WDR97: variants seen among roughly 807,000 people sequenced by gnomAD.
WDR97 encodes the protein WD repeat-containing protein 97.
WDR97 carries 111 observed loss-of-function variants against 65.4 expected under a neutral mutation model. The ratio of observed to expected loss-of-function variants is 1.70; its 90% confidence interval spans 1.45 to 1.99. The LOEUF is 1.99. WDR97 is among the 30% of genes most tolerant of loss of function. The probability of loss-of-function intolerance (pLI) is 0.00; values close to 1 mark genes in which losing one functional copy is unlikely to be tolerated. For synonymous variants in WDR97, 802 were observed against 397.7 expected (o/e 2.02, Z -12.10); for missense variants, 1,674 against 865.0 (o/e 1.94, Z -11.73).
intron 15 of WDR97, 94 bp downstream of exon 15, chr8:144,112,624 A>C (rs1836573854): frequency 2.9e-6 from 2 of 685,704 alleles, no homozygotes; most frequent in Admixed American, 4.1e-5. Context: ...TTTGTGTCCA[A>C]ATCTGACCCA....
At position 144,114,174 on chromosome 8, in the gene WDR97, C is replaced by G. The variant is rs998345643; in HGVS notation, c.3594+12C>G. The G allele has an allele frequency of 1.4e-6, 1 of 701,542 alleles. No individual in the cohort carries two copies. The highest frequency in any genetic ancestry group is 2.6e-6 in the Non-Finnish European group (1 of 384,116). The allele number at this position is 701,542 out of a possible 1,614,324, so 43.5% of individuals were successfully genotyped here. On this transcript the variant is annotated intron_variant, in intron 18 of 23. Transcript: ENST00000323662. ...TCTTCAGCCTGCAGGTTGGAGGGAA[C>G]TGGGGATGCATGAGAAGCATGGGTT...
rs1248395144 is a variant in WDR97, at chr8:144,113,819, G to A, written c.3346G>A (p.Ala1116Thr). The A allele has an allele frequency of 7.1e-6, 5 of 702,274 alleles. No individual in the cohort carries two copies. The East Asian group carries it at 1.3e-4, about 19-fold the overall frequency. The allele number at this position is 702,274 out of a possible 1,614,324, so 43.5% of individuals were successfully genotyped here. ...GAAGGAAGACGAGGAGCTGGACTGG[G>A]CCTTGGCTTCCCTGAGCCCGCACTC... is the stretch of plus-strand genomic sequence containing the variant. ...EEKEDEELDW[A>T]LASLSPHSNQ... Residue 1116 changes from alanine (A) to threonine (T), a missense_variant, in exon 17 of 24, where the codon GCC becomes ACC. By Grantham distance (58) the Ala-to-Thr change is moderately conservative. Transcript: ENST00000323662.
rs1403653833 is a variant in WDR97 at position 144,109,832 on chromosome 8, C to T, written c.1498C>T (p.Arg500Cys). ...GCTGACCAGGGCTGGGCACCTGGTCCGCGCCAACGCGGCGCGCTGCCCCAT... is the reference window on the plus strand; with the variant it reads ...GCTGACCAGGGCTGGGCACCTGGTCTGCGCCAACGCGGCGCGCTGCCCCAT... ...WLLTRAGHLVRANAARCPMSV... is the reference protein window; with the variant it reads ...WLLTRAGHLVCANAARCPMSV... Residue 500 changes from arginine (R) to cysteine (C), a missense_variant, in exon 5 of 24, where the codon CGC (arginine) becomes TGC (cysteine). By Grantham distance (180) the Arg-to-Cys change is radical. Coordinates refer to ENST00000323662, the MANE Select transcript of WDR97 (RefSeq NM_001316309.2). 2.9e-6 allele frequency: 2 copies of T among 687,968 alleles called. No individual in the cohort carries two copies. Among genetic ancestry groups the T allele is most frequent in the Non-Finnish European group, 5.3e-6 (2 of 378,706 alleles). The allele number at this position is 687,968 out of a possible 1,614,324, so 42.6% of individuals were successfully genotyped here.
rs1355688554 is a variant in WDR97 at position 144,115,587 on chromosome 8, C to G, written c.4324C>G (p.Leu1442Val). ...QLRLRVLSETLKSFCLEPEAR... is the reference protein window; with the variant it reads ...QLRLRVLSETVKSFCLEPEAR... Reference sequence around the variant, plus strand: ...CCGTCTCAGAGTGCTCTCCGAGACGCTGAAGAGCTTCTGCCTGGAGCCCGA... The same window carrying G: ...CCGTCTCAGAGTGCTCTCCGAGACGGTGAAGAGCTTCTGCCTGGAGCCCGA... Residue 1442 changes from leucine to valine, a missense_variant, in exon 22 of 24, where the codon CTG becomes GTG. Physicochemically the swap from Leu to Val is conservative, Grantham distance 32 (BLOSUM62 1). Coordinates refer to ENST00000323662, the MANE Select transcript of WDR97 (RefSeq NM_001316309.2). 6 of 690,432 alleles carry G rather than the reference C, an allele frequency of 8.7e-6. No homozygotes were observed. The highest frequency in any genetic ancestry group is 1.8e-5 in the African/African-American group (1 of 56,940). 42.8% of individuals were successfully genotyped at this position (690,432 alleles called of 1,614,324 possible). A position where few individuals can be genotyped will look rare whatever the true frequency, so the allele number is the denominator to read the frequency against.
chr8:144,107,965 G>C (rs145000439), intron 1 of WDR97, 94 bp from the exon 2 acceptor site: 2 of 701,250 alleles, frequency 2.9e-6, no homozygotes, highest in Admixed American at 2.0e-5. Flanking sequence ...GGCAGTCCCT[G>C]GTAGGGCAGG....
chr8:144,111,948 A>T lies in WDR97; in HGVS notation c.2699A>T (p.Glu900Val). The T allele has an allele frequency of 1.4e-6, 1 of 702,300 alleles. No individual in the cohort carries two copies. Among genetic ancestry groups the T allele is most frequent in the Non-Finnish European group, 2.6e-6 (1 of 384,896 alleles). 43.5% of individuals were successfully genotyped at this position (702,300 alleles called of 1,614,324 possible). Reference protein sequence around the residue: ...WSAGTLRVERETRDVCAVPQA... With the variant: ...WSAGTLRVERVTRDVCAVPQA... ...GCCGGGACCCTCAGAGTGGAGAGAGAGACCCGGGATGTGTGTGCTGTACCC... is the reference window on the plus strand; with the variant it reads ...GCCGGGACCCTCAGAGTGGAGAGAGTGACCCGGGATGTGTGTGCTGTACCC... The change falls in exon 13 of 24, where the codon GAG becomes GTG. Residue 900 changes from glutamate to valine, a missense_variant. Physicochemically the swap from Glu to Val is moderately radical, Grantham distance 121. Coordinates refer to ENST00000323662, the MANE Select transcript of WDR97 (RefSeq NM_001316309.2).
In WDR97 at chr8:144,112,488, T is replaced by TA. The variant is rs1310123795; in HGVS notation, c.3064dup (p.Ser1022LysfsTer149). 4.3e-6 allele frequency: 3 copies of TA among 702,664 alleles called. No homozygotes were observed. Among genetic ancestry groups the TA allele is most frequent in the Non-Finnish European group, 7.8e-6 (3 of 384,922 alleles). 43.5% of individuals were successfully genotyped at this position (702,664 alleles called of 1,614,324 possible). On this transcript the variant is annotated frameshift_variant, in exon 15 of 24. Transcript: ENST00000323662. LOFTEE classifies it high-confidence loss of function. ...AGAGATGGGACAAGGAACCTCTCTC[T>TA]AGCCTCAGGGGCTTCTTTCCTGCCA... is the stretch of plus-strand genomic sequence containing the variant.
In WDR97 at chr8:144,108,146, G is replaced by C. The variant is rs768384110; in HGVS notation, c.200G>C (p.Arg67Pro). The part of the protein sequence containing the change: ...WQSLTPRARA[R>P]RLWLLLRTSL... ...AGCCTGACCCCGCGCGCCCGCGCCCGCCGGCTGTGGCTGCTTCTGCGCACC... is the reference window on the plus strand; with the variant it reads ...AGCCTGACCCCGCGCGCCCGCGCCCCCCGGCTGTGGCTGCTTCTGCGCACC... Residue 67 changes from arginine to proline, a missense_variant, in exon 2 of 24, where the codon CGC (arginine) becomes CCC (proline). Coordinates refer to ENST00000323662, the MANE Select transcript of WDR97 (RefSeq NM_001316309.2). The C allele has an allele frequency of 5.0e-5, 35 of 702,286 alleles. No individual in the cohort carries two copies. The highest frequency in any genetic ancestry group is 1.7e-5 in the African/African-American group (1 of 57,276). The allele number at this position is 702,286 out of a possible 1,614,324, so 43.5% of individuals were successfully genotyped here. A position where few individuals can be genotyped will look rare whatever the true frequency, so the allele number is the denominator to read the frequency against.
At chr8:144,111,526 G>C in intron 11 of WDR97, 40 bp downstream of exon 11, 2 of 698,858 alleles carry the variant, frequency 2.9e-6, no homozygotes, top group South Asian at 3.0e-5. Flanking sequence ...CCCCGGCTCA[G>C]GCCCCAGCCG....
At position 144,110,936 on chromosome 8, in the gene WDR97, G is replaced by T; in HGVS notation, c.2244G>T (p.Leu748=). ...CSNSGDLVLA[L]GSRLCLVSHR... ...ACAGTGGAGACCTGGTGCTGGCGCT[G>T]GGATCCCGCCTCTGCCTGGTGTCCC... Residue 748 remains leucine, a synonymous_variant, in exon 9 of 24, where the codon CTG becomes CTT. Coordinates refer to ENST00000323662, the MANE Select transcript of WDR97 (RefSeq NM_001316309.2). The T allele has an allele frequency of 1.4e-6, 1 of 702,784 alleles. No individual in the cohort carries two copies. The allele number at this position is 702,784 out of a possible 1,614,324, so 43.5% of individuals were successfully genotyped here.
chr8:144,109,986 G>A lies in WDR97; in HGVS notation c.1652G>A (p.Gly551Asp), dbSNP rs1417165450. 1.4e-6 allele frequency: 1 copy of A among 701,088 alleles called. No homozygotes were observed. 43.4% of individuals were successfully genotyped at this position (701,088 alleles called of 1,614,324 possible). A position where few individuals can be genotyped will look rare whatever the true frequency, so the allele number is the denominator to read the frequency against. The change falls in exon 5 of 24, where the codon GGC (glycine) becomes GAC (aspartate). Residue 551 changes from glycine (G) to aspartate (D), a missense_variant. Gly to Asp is a moderately conservative substitution (Grantham distance 94, BLOSUM62 -1). Transcript: ENST00000323662. ...SSWEIVRQHW[G>D]ELRCSSVACA... The stretch of plus-strand genomic sequence containing the variant: ...TGGGAGATCGTGCGCCAGCACTGGG[G>A]CGAGTTGCGCTGCAGCTCTGTGGCC...
chr8:144,113,566 G>A (rs1424544507), intron 16 of WDR97, 49 bp downstream of exon 16: 19 of 685,242 alleles, frequency 2.8e-5, no homozygotes, highest in East Asian at 5.4e-5. Flanking sequence ...GAGAAAGCTC[G>A]AGGCAAGGGG....
In WDR97 at chr8:144,108,392, G is replaced by T. The variant is rs1376543295; in HGVS notation, c.326G>T (p.Gly109Val). Residue 109 changes from glycine to valine, a missense_variant, in exon 3 of 24, where the codon GGG (glycine) becomes GTG (valine). Physicochemically the swap from Gly to Val is moderately radical, Grantham distance 109. Coordinates refer to ENST00000323662, the MANE Select transcript of WDR97 (RefSeq NM_001316309.2). ...CTGCGCCGCCTGGAGGTGGCAGCCG[G>T]GCTGCGCTCGGTGGCGCAGGACCCG... ...EPLRRLEVAA[G>V]LRSVAQDPVG... The T allele has an allele frequency of 2.9e-6, 2 of 697,860 alleles. No homozygotes were observed. The highest frequency in any genetic ancestry group is 2.0e-5 in the Admixed American group (1 of 48,856). The allele number at this position is 697,860 out of a possible 1,614,324, so 43.2% of individuals were successfully genotyped here.
intron 4 of WDR97, 46 bp downstream of exon 4, chr8:144,109,216 G>T (rs1181116051): frequency 1.4e-6 from 1 of 702,192 alleles, no homozygotes; most frequent in Admixed American, 2.0e-5. Flanking sequence ...TTTGCCTCCA[G>T]CCGCTCTAGG....
intron 16 of WDR97, 63 bp downstream of exon 16, chr8:144,113,580 G>C (rs1836590008): frequency 1.5e-6 from 1 of 675,380 alleles, no homozygotes; most frequent in South Asian, 1.5e-5. Flanking sequence ...CAAGGGGCAG[G>C]GCTGGGGGTT....
chr8:144,108,289 T>TGCGGGC, intron 2 of WDR97, 27 bp from the exon 3 acceptor site: 1 of 690,906 alleles, frequency 1.4e-6, no homozygotes, highest in Non-Finnish European at 2.6e-6. Flanking sequence ...AACCTTTGAT[T>TGCGGGC]GCGGGCCCGC....
Position 144,114,808 on chromosome 8 carries a change from T to G in WDR97, c.3974T>G (p.Phe1325Cys). ...LGLQDPEGFLFKEMMTWVQGP... is the reference protein window; with the variant it reads ...LGLQDPEGFLCKEMMTWVQGP... ...CTTCAGGACCCAGAGGGCTTCCTAT[T>G]CAAGGAGATGATGACCTGGGTCCAG... is the stretch of plus-strand genomic sequence containing the variant. The change falls in exon 21 of 24, where the codon TTC (phenylalanine) becomes TGC (cysteine). Residue 1325 changes from phenylalanine to cysteine, a missense_variant. Physicochemically the swap from Phe to Cys is radical, Grantham distance 205. Coordinates refer to ENST00000323662, the MANE Select transcript of WDR97 (RefSeq NM_001316309.2). 1.4e-6 allele frequency: 1 copy of G among 702,668 alleles called. No homozygotes were observed. Among genetic ancestry groups the G allele is most frequent in the Non-Finnish European group, 2.6e-6 (1 of 384,918 alleles). The allele number at this position is 702,668 out of a possible 1,614,324, so 43.5% of individuals were successfully genotyped here.
In WDR97 at chr8:144,116,142, G is replaced by C. The variant is rs113419824; in HGVS notation, c.4718G>C (p.Arg1573Pro). 18,172 of 663,310 alleles carry C rather than the reference G, an allele frequency of 0.027. 327 individuals are homozygous for C. The highest frequency in any genetic ancestry group is 0.036 in the Middle Eastern group (151 of 4,190). 41.1% of individuals were successfully genotyped at this position (663,310 alleles called of 1,614,324 possible). A position where few individuals can be genotyped will look rare whatever the true frequency, so the allele number is the denominator to read the frequency against. Residue 1573 changes from arginine (R) to proline (P), a missense_variant, in exon 24 of 24, where the codon CGG becomes CCG. Coordinates refer to ENST00000323662, the MANE Select transcript of WDR97 (RefSeq NM_001316309.2). ...GGCCGCACCCTGGACGGCCCCATCC[G>C]GACGCTGAAGCTGCCGTTGCCGCGT... is the stretch of plus-strand genomic sequence containing the variant. Reference protein sequence around the residue: ...CAGRTLDGPIRTLKLPLPRVE... With the variant: ...CAGRTLDGPIPTLKLPLPRVE...
At chr8:144,110,307 C>T in intron 6 of WDR97, 34 bp from the exon 7 acceptor site, 2 of 702,312 alleles carry the variant, frequency 2.8e-6, no homozygotes, top group South Asian at 1.5e-5. Context: ...CCCCTCCCCT[C>T]CGACAAGGCC....
Sources: allele counts gnomAD v4.1 joint callset, GRCh38; gene constraint gnomAD v4.1.1; transcripts MANE v1.5; gene names NCBI Gene and HGNC (gene_info 2026-07-23, HGNC 2026-07-21).